Variants in DENND5B observed in about 807,000 individuals in gnomAD.
DENND5B encodes DENN domain-containing protein 5B.
Under a neutral mutation model 140.6 loss-of-function variants are expected in DENND5B, and 34 were observed. That is an observed-to-expected ratio of 0.24 (90% CI 0.18 to 0.32). The LOEUF is 0.32. Ranked by LOEUF, DENND5B falls within the 10% of genes least tolerant of loss-of-function variation. The probability of loss-of-function intolerance (pLI) is 1.00; values close to 1 mark genes in which losing one functional copy is unlikely to be tolerated. For synonymous variants in DENND5B, 551 were observed against 562.1 expected (o/e 0.98, Z 0.28); for missense variants, 1,142 against 1,560.2 (o/e 0.73, Z 4.52).
intron 1 of DENND5B, among the ~76,000 whole-genome samples, chr12:31,538,142 G>A (rs1948566747): frequency 6.6e-6 from 1 of 152,088 alleles, no homozygotes; most frequent in Non-Finnish European, 1.5e-5. Flanking sequence ...TGTACCAAAT[G>A]GACCTAATCA....
At chr12:31,463,791 G>A (rs1945132489) in intron 3 of DENND5B, among the ~76,000 whole-genome samples, 1 of 152,072 alleles carries the variant, frequency 6.6e-6, no homozygotes, top group Non-Finnish European at 1.5e-5. Flanking sequence ...TCAGCCTCCT[G>A]AGTAGCTGGG....
chr12:31,581,301 C>T (rs1277812852), intron 1 of DENND5B, among the ~76,000 whole-genome samples: 2 of 152,058 alleles, frequency 1.3e-5, no homozygotes, highest in Non-Finnish European at 2.9e-5. Context: ...GAGATTAGTA[C>T]AGTAATTTCA....
intron 1 of DENND5B, among the ~76,000 whole-genome samples, chr12:31,520,805 G>A (rs918220584): frequency 6.6e-6 from 1 of 151,964 alleles, no homozygotes; most frequent in Admixed American, 6.6e-5. Context: ...CTCCCAAAGT[G>A]CTGGGATTAC....
chr12:31,589,462 A>G (rs534232696), intron 1 of DENND5B, among the ~76,000 whole-genome samples: 5 of 152,226 alleles, frequency 3.3e-5, no homozygotes, highest in African/African-American at 9.6e-5. Context: ...AAGAATATGA[A>G]AAAAAGAAAA....
At chr12:31,391,299 G>T (rs1381445225) in intron 19 of DENND5B, among the ~76,000 whole-genome samples, 1 of 152,004 alleles carries the variant, frequency 6.6e-6, no homozygotes, top group Admixed American at 6.6e-5. Flanking sequence ...TATCTACATG[G>T]CTCACTTCCT....
chr12:31,560,447 T>G (rs1374923365), intron 1 of DENND5B, among the ~76,000 whole-genome samples: 1 of 152,230 alleles, frequency 6.6e-6, no homozygotes, highest in African/African-American at 2.4e-5. Context: ...TCTCCACTGC[T>G]ACTATGTGGC....
intron 1 of DENND5B, among the ~76,000 whole-genome samples, chr12:31,550,910 G>A (rs1949034611): frequency 6.6e-6 from 1 of 151,904 alleles, no homozygotes; most frequent in African/African-American, 2.4e-5. Flanking sequence ...TGTTGATGGG[G>A]TTGTTTTTTT....
At position 31,466,718 on chromosome 12, in the gene DENND5B, A is replaced by C. The variant is rs150610046; in HGVS notation, c.905-6337T>G. Among the ~76,000 whole-genome samples, 611 of 148,494 alleles carry C rather than the reference A, an allele frequency of 4.1e-3. 4 individuals carry two copies. The highest frequency in any genetic ancestry group is 0.011 in the African/African-American group (452 of 40,468). ...AAAAACAAAACAACAACAACAACAAAAAAAAGTTTCACTAGAATTTCAGGA... is the reference window on the plus strand; with the variant it reads ...AAAAACAAAACAACAACAACAACAACAAAAAGTTTCACTAGAATTTCAGGA... On this transcript the variant is annotated intron_variant, in intron 3 of 20. Transcript: ENST00000389082.
At position 31,590,699 on chromosome 12, in the gene DENND5B, G is replaced by A. The variant is rs1270504851; in HGVS notation, c.127+7C>T. On this transcript the variant is annotated splice_region_variant and intron_variant, in intron 1 of 20. Coordinates refer to ENST00000389082, the MANE Select transcript of DENND5B (RefSeq NM_144973.4). ...GGGGCTCAGCGCCGCCGCAGCCCTG[G>A]CCTTACCCGCCAGCTCGTCAGGCTC... 4.1e-6 allele frequency: 6 copies of A among 1,472,704 alleles called. No homozygotes were observed. Among genetic ancestry groups the A allele is most frequent in the Non-Finnish European group, 5.4e-6 (6 of 1,117,490 alleles). The allele number at this position is 1,472,704 out of a possible 1,614,324, so 91.2% of individuals were successfully genotyped here.
At chr12:31,437,148 T>TGC (rs1943808491) in intron 7 of DENND5B, among the ~76,000 whole-genome samples, 2 of 13,100 alleles carry the variant, frequency 1.5e-4, no homozygotes, top group Non-Finnish European at 1.6e-3. Flanking sequence ...GCCCCCCCCT[T>TGC]TTTTTTTTTT....
At chr12:31,466,299 G>A (rs1375477540) in intron 3 of DENND5B, among the ~76,000 whole-genome samples, 3 of 151,856 alleles carry the variant, frequency 2.0e-5, no homozygotes, top group African/African-American at 7.3e-5. Context: ...TTTGCAGTGA[G>A]ACAAGATTGC....
At position 31,448,135 on chromosome 12, in the gene DENND5B, GT is replaced by G. The variant is rs536837626; in HGVS notation, c.1630-367del. Among the ~76,000 whole-genome samples, 268 of 145,748 alleles carry G rather than the reference GT, an allele frequency of 1.8e-3. 1 individual carries two copies. The highest frequency in any genetic ancestry group is 4.8e-3 in the African/African-American group (194 of 40,016). ...CCTTTCCCCAATGAGTTGTAATTTCGTTTTTTTTTTTTCTTTGAGATGGAGT... is the reference window on the plus strand; with the variant it reads ...CCTTTCCCCAATGAGTTGTAATTTCGTTTTTTTTTTTCTTTGAGATGGAGT... On this transcript the variant is annotated intron_variant, in intron 5 of 20. Coordinates refer to ENST00000389082, the MANE Select transcript of DENND5B (RefSeq NM_144973.4).
intron 1 of DENND5B, among the ~76,000 whole-genome samples, chr12:31,546,051 C>T (rs1382856382): frequency 6.7e-6 from 1 of 149,550 alleles, no homozygotes; most frequent in Non-Finnish European, 1.5e-5. Flanking sequence ...AATATTAACA[C>T]TGTATGGCTA....
intron 3 of DENND5B, among the ~76,000 whole-genome samples, chr12:31,464,546 A>AT (rs1229911596): frequency 6.6e-6 from 1 of 151,956 alleles, no homozygotes; most frequent in African/African-American, 2.4e-5. Context: ...AGAGAGCAAT[A>AT]TATGTATTTT....
intron 13 of DENND5B, among the ~76,000 whole-genome samples, chr12:31,411,195 C>G (rs112818023): frequency 6.6e-6 from 1 of 151,910 alleles, no homozygotes; most frequent in Non-Finnish European, 1.5e-5. Context: ...TGTGCCACCA[C>G]GCCTGGCTAA....
At position 31,522,630 on chromosome 12, in the gene DENND5B, G is replaced by C. The variant is rs1281247982; in HGVS notation, c.128-26711C>G. Among the ~76,000 whole-genome samples, 5 of 152,066 alleles carry C rather than the reference G, an allele frequency of 3.3e-5. No individual in the cohort carries two copies. In the East Asian group the frequency reaches 7.7e-4, roughly 23 times the overall value. On this transcript the variant is annotated intron_variant, in intron 1 of 20. Coordinates refer to ENST00000389082, the MANE Select transcript of DENND5B (RefSeq NM_144973.4). ...CGGCTAATTTTGTATTTTTTGTCGA[G>C]ATGAGGTTTCACCACGTTACCCCGG...
intron 14 of DENND5B, among the ~76,000 whole-genome samples, chr12:31,407,063 G>T (rs959159846): frequency 6.6e-6 from 1 of 152,144 alleles, no homozygotes; most frequent in Non-Finnish European, 1.5e-5. Flanking sequence ...GCCTCCCAAG[G>T]TGCTGGCATT....
At chr12:31,547,665 G>C (rs956128809) in intron 1 of DENND5B, among the ~76,000 whole-genome samples, 16 of 152,158 alleles carry the variant, frequency 1.1e-4, no homozygotes, top group Non-Finnish European at 2.2e-4. Flanking sequence ...AAAATGCTGG[G>C]ATTACAGGCG....
At position 31,496,985 on chromosome 12, in the gene DENND5B, A is replaced by G. The variant is rs117241226; in HGVS notation, c.128-1066T>C. On this transcript the variant is annotated intron_variant, in intron 1 of 20. Coordinates refer to ENST00000389082, the MANE Select transcript of DENND5B (RefSeq NM_144973.4). ...TTAAGTGCAAAATACTAGCTGTTAC[A>G]GCAAAAGATAAATGTCACTTTACCA... Among the ~76,000 whole-genome samples the G allele has an allele frequency of 7.0e-3, 1,065 of 152,296 alleles. 7 individuals carry two copies. The highest frequency in any genetic ancestry group is 0.011 in the Non-Finnish European group (726 of 68,028).
Sources: allele counts gnomAD v4.1 joint callset (sites outside exome capture counted in the v4.1 genomes callset), GRCh38; gene constraint gnomAD v4.1.1; transcripts MANE v1.5; gene names NCBI Gene and HGNC (gene_info 2026-07-23, HGNC 2026-07-21).